Variants in HTR2A observed in about 807,000 individuals in gnomAD.
HTR2A encodes the protein 5-HT2 receptor.
Under a neutral mutation model 31.0 loss-of-function variants are expected in HTR2A, and 14 were observed. The ratio of observed to expected loss-of-function variants is 0.45; its 90% CI spans 0.30 to 0.71. HTR2A has a LOEUF of 0.71. HTR2A is among the 30% of genes least tolerant of loss of function. The pLI is 0.09. For missense variants in HTR2A, 442 were observed against 573.3 expected (o/e 0.77, Z 2.34); for synonymous variants, 209 against 225.2 (o/e 0.93, Z 0.64).
intron 3 of HTR2A, among the ~76,000 whole-genome samples, chr13:46,855,470 C>T (rs546218350): frequency 4.6e-5 from 7 of 152,230 alleles, no homozygotes; most frequent in African/African-American, 1.7e-4. Flanking sequence ...TCTCAATTTC[C>T]ACTTTCCCAG....
intron 3 of HTR2A, among the ~76,000 whole-genome samples, chr13:46,841,562 T>G: frequency 6.6e-6 from 1 of 151,922 alleles, no homozygotes; most frequent in African/African-American, 2.4e-5. Flanking sequence ...AAAATATAAA[T>G]GCCCAGGCAC....
chr13:46,855,515 T>C (rs988831633), intron 3 of HTR2A, among the ~76,000 whole-genome samples: 1 of 151,972 alleles, frequency 6.6e-6, no homozygotes, highest in Non-Finnish European at 1.5e-5. Context: ...TGCTCTCAAC[T>C]GGGGGGGTAC....
chr13:46,844,890 T>C (rs941092521), intron 3 of HTR2A, among the ~76,000 whole-genome samples: 5 of 152,164 alleles, frequency 3.3e-5, no homozygotes, highest in African/African-American at 1.2e-4. Flanking sequence ...AGATGATGAG[T>C]CTGAATCATT....
intron 3 of HTR2A, among the ~76,000 whole-genome samples, chr13:46,864,023 T>A (rs1950801748): frequency 6.6e-6 from 1 of 152,072 alleles, no homozygotes; most frequent in Non-Finnish European, 1.5e-5. Flanking sequence ...AACATAAATA[T>A]CCATCACTGA....
rs549976006 is a variant in HTR2A, at chr13:46,884,924, A to G, written c.613+7466T>C. Among the ~76,000 whole-genome samples, 6 of 152,254 alleles carry G rather than the reference A, an allele frequency of 3.9e-5. No homozygotes were observed. The South Asian group carries it at 8.3e-4, about 21-fold the overall frequency. ...TACCACTCCAAAACTTGCTTCTTGC[A>G]TTTAACATTATGAACATTCCTTCAC... is the stretch of plus-strand genomic sequence containing the variant. On this transcript the variant is annotated intron_variant, in intron 3 of 3. Transcript: ENST00000542664.
At chr13:46,874,178 A>C (rs1950887924) in intron 3 of HTR2A, among the ~76,000 whole-genome samples, 2 of 152,188 alleles carry the variant, frequency 1.3e-5, no homozygotes, top group African/African-American at 4.8e-5. Flanking sequence ...TATGTCTCTT[A>C]TTCTTAGCTT....
chr13:46,892,499 G>A lies in HTR2A; in HGVS notation c.504C>T (p.Ala168=). ...FSTASIMHLC[A]ISLDRYVAIQ... is the part of the protein sequence containing the mutation. ...TGGCGACGTAGCGGTCCAGCGAGATGGCGCAGAGGTGCATGATGGAGGCCG... is the reference window on the plus strand; with the variant it reads ...TGGCGACGTAGCGGTCCAGCGAGATAGCGCAGAGGTGCATGATGGAGGCCG... The change falls in exon 3 of 4, where the codon GCC becomes GCT. Residue 168 remains alanine, a synonymous_variant. Transcript: ENST00000542664. 12 of 1,614,244 alleles carry A rather than the reference G, an allele frequency of 7.4e-6. No homozygotes were observed. Among genetic ancestry groups the A allele is most frequent in the Non-Finnish European group, 1.0e-5 (12 of 1,180,040 alleles).
At chr13:46,873,812 G>A (rs979555884) in intron 3 of HTR2A, among the ~76,000 whole-genome samples, 3 of 152,166 alleles carry the variant, frequency 2.0e-5, no homozygotes, top group Admixed American at 6.5e-5. Flanking sequence ...TCACAGTTCA[G>A]TCATATTCTT....
At chr13:46,859,320 G>T (rs951704784) in intron 3 of HTR2A, among the ~76,000 whole-genome samples, 24 of 152,078 alleles carry the variant, frequency 1.6e-4, no homozygotes, top group African/African-American at 5.6e-4. Context: ...TCTCCAAACA[G>T]GTCCTGTTAT....
chr13:46,844,475 C>T (rs1441801879), intron 3 of HTR2A, among the ~76,000 whole-genome samples: 1 of 152,168 alleles, frequency 6.6e-6, no homozygotes, highest in Non-Finnish European at 1.5e-5. Context: ...TTCGTACACT[C>T]TTTTAAGGGA....
intron 3 of HTR2A, among the ~76,000 whole-genome samples, chr13:46,874,126 T>G (rs1416255414): frequency 6.6e-6 from 1 of 152,234 alleles, no homozygotes; most frequent in African/African-American, 2.4e-5. Context: ...AAAGTGTGAC[T>G]TTCAGCTTTT....
intron 3 of HTR2A, among the ~76,000 whole-genome samples, chr13:46,875,510 CAGT>C (rs1343138561): frequency 6.6e-6 from 1 of 152,110 alleles, no homozygotes; most frequent in African/African-American, 2.4e-5. Flanking sequence ...TTTTAAAAGA[CAGT>C]AGATAATTGA....
At chr13:46,869,197 G>T (rs796708160) in intron 3 of HTR2A, among the ~76,000 whole-genome samples, 3 of 152,124 alleles carry the variant, frequency 2.0e-5, no homozygotes, top group Non-Finnish European at 2.9e-5. Context: ...TTTGATAAGG[G>T]TTTAATGTCC....
intron 3 of HTR2A, 74 bp downstream of exon 3, chr13:46,892,316 C>G (rs953266612): frequency 1.4e-6 from 2 of 1,427,772 alleles, no homozygotes; most frequent in African/African-American, 1.4e-5. Context: ...TTCAGTACAA[C>G]AAAATGGAAC....
chr13:46,857,329 A>G (rs891266757), intron 3 of HTR2A, among the ~76,000 whole-genome samples: 15 of 151,652 alleles, frequency 9.9e-5, no homozygotes, highest in Non-Finnish European at 2.1e-4. Context: ...TTGCCCACAG[A>G]TCTCAAGGCT....
chr13:46,880,442 C>G (rs546165211), intron 3 of HTR2A, among the ~76,000 whole-genome samples: 12 of 152,304 alleles, frequency 7.9e-5, no homozygotes, highest in Admixed American at 7.8e-4. Flanking sequence ...AGAAGCAACA[C>G]AAGTACCCTG....
intron 3 of HTR2A, chr13:46,852,299 A>G (rs779793329): frequency 6.6e-6 from 1 of 152,322 alleles, no homozygotes; most frequent in Non-Finnish European, 1.5e-5. Context: ...TTGCTACAGC[A>G]GCACTAAGGA....
chr13:46,892,630 C>A (rs777311726), intron 2 of HTR2A, 40 bp from the exon 3 acceptor site: 1 of 1,560,676 alleles, frequency 6.4e-7, no homozygotes, highest in East Asian at 2.2e-5. Context: ...CAACCCTGTG[C>A]CTCCTGGAGC....
intron 3 of HTR2A, among the ~76,000 whole-genome samples, chr13:46,857,624 G>A (rs983433029): frequency 6.6e-5 from 10 of 152,038 alleles, no homozygotes; most frequent in Non-Finnish European, 1.3e-4. Context: ...GTAGGGAGGG[G>A]CATTTGACTT....
Sources: allele counts gnomAD v4.1 joint callset (sites outside exome capture counted in the v4.1 genomes callset), GRCh38; gene constraint gnomAD v4.1.1; transcripts MANE v1.5; gene names NCBI Gene and HGNC (gene_info 2026-07-23, HGNC 2026-07-21).